The following PKIA variants were observed in gnomAD, a reference collection of about 807,000 sequenced individuals.
PKIA encodes the protein cAMP-dependent protein kinase inhibitor alpha, also known as PKI-alpha.
PKIA carries 4 observed loss-of-function variants against 7.6 expected under a neutral mutation model. That is an observed-to-expected ratio of 0.52 (90% CI 0.26 to 1.20). PKIA has a LOEUF of 1.20. Among genes scored for constraint, PKIA ranks in the 50% most tolerant of loss-of-function variants. The probability of loss-of-function intolerance (pLI) is 0.13; values close to 1 mark genes in which losing one functional copy is unlikely to be tolerated. For synonymous variants in PKIA, 21 were observed against 30.7 expected, an observed-to-expected ratio of 0.68 and a Z score of 1.04; for missense variants, 73 against 86.2, an observed-to-expected ratio of 0.85 and a Z score of 0.61.
At chr8:78,521,841 C>G (rs1470246068) in intron 1 of PKIA, among the ~76,000 whole-genome samples, 1 of 151,878 alleles carries the variant, frequency 6.6e-6, no homozygotes, top group African/African-American at 2.4e-5. Context: ...AACAGAAACT[C>G]TATACACATT....
At chr8:78,600,017 A>C (rs1194693038) in intron 3 of PKIA, among the ~76,000 whole-genome samples, 2 of 150,522 alleles carry the variant, frequency 1.3e-5, no homozygotes, top group Non-Finnish European at 3.0e-5. Flanking sequence ...ATTATTTTAC[A>C]ATTAAATAAT....
In PKIA at chr8:78,602,032, A is replaced by C. The variant is rs746261703; in HGVS notation, c.*211A>C. The C allele has an allele frequency of 2.3e-5, 13 of 559,884 alleles. No individual in the cohort carries two copies. The highest frequency in any genetic ancestry group is 3.8e-5 in the African/African-American group (2 of 52,358). 34.7% of individuals were successfully genotyped at this position (559,884 alleles called of 1,614,324 possible). A position where few individuals can be genotyped will look rare whatever the true frequency, so the allele number is the denominator to read the frequency against. On this transcript the variant is annotated 3_prime_UTR_variant, in exon 4 of 4. Transcript: ENST00000396418. ...TCTGTCATTAGCAATGGTTGAAATC[A>C]TGTGGCTTGTGTTTGGGCGTCATTT... is the stretch of plus-strand genomic sequence containing the variant.
intron 1 of PKIA, among the ~76,000 whole-genome samples, chr8:78,567,425 G>A (rs1243762132): frequency 6.6e-6 from 1 of 151,820 alleles, no homozygotes; most frequent in Non-Finnish European, 1.5e-5. Flanking sequence ...GATAATACTG[G>A]ACAGGTATTT....
chr8:78,588,385 C>T (rs550011661), intron 2 of PKIA, among the ~76,000 whole-genome samples: 1 of 152,276 alleles, frequency 6.6e-6, no homozygotes, highest in East Asian at 1.9e-4. Context: ...GAGGCTGAGG[C>T]AGGAGCATCA....
intron 1 of PKIA, among the ~76,000 whole-genome samples, chr8:78,519,089 G>C (rs1585861007): frequency 6.6e-6 from 1 of 151,834 alleles, no homozygotes; most frequent in East Asian, 1.9e-4. Flanking sequence ...TGCATGATTA[G>C]ATGCTAAATG....
At chr8:78,547,730 C>T (rs1471707810) in intron 1 of PKIA, among the ~76,000 whole-genome samples, 1 of 152,104 alleles carries the variant, frequency 6.6e-6, no homozygotes, top group East Asian at 1.9e-4. Context: ...TTATATAACC[C>T]TTTTCTAGTC....
At chr8:78,550,340 G>A (rs1806952198) in intron 1 of PKIA, among the ~76,000 whole-genome samples, 1 of 152,036 alleles carries the variant, frequency 6.6e-6, no homozygotes, top group Admixed American at 6.6e-5. Context: ...TCAAAAAGAT[G>A]GTTCCCAGGT....
chr8:78,596,653 C>G, intron 2 of PKIA, among the ~76,000 whole-genome samples: 1 of 152,166 alleles, frequency 6.6e-6, no homozygotes, highest in East Asian at 1.9e-4. Flanking sequence ...TTTTGCTGTG[C>G]AGAAGCTCTT....
chr8:78,574,912 T>G (rs16905795), intron 2 of PKIA, among the ~76,000 whole-genome samples: 2,002 of 151,888 alleles, frequency 0.013, 41 homozygotes, highest in African/African-American at 0.047. Flanking sequence ...AGACAGAAAA[T>G]TGCCCCAAAG....
chr8:78,547,639 G>A (rs961243553), intron 1 of PKIA, among the ~76,000 whole-genome samples: 2 of 152,158 alleles, frequency 1.3e-5, no homozygotes, highest in Non-Finnish European at 2.9e-5. Flanking sequence ...CATAAGATGA[G>A]TAGTTAATGA....
At chr8:78,521,524 G>A (rs1350884167) in intron 1 of PKIA, among the ~76,000 whole-genome samples, 3 of 151,830 alleles carry the variant, frequency 2.0e-5, no homozygotes, top group Non-Finnish European at 2.9e-5. Flanking sequence ...AAAAAAAACA[G>A]AGATGGAAAG....
intron 1 of PKIA, among the ~76,000 whole-genome samples, chr8:78,570,977 T>C (rs1356386692): frequency 6.6e-6 from 1 of 152,148 alleles, no homozygotes; most frequent in Admixed American, 6.6e-5. Flanking sequence ...TTACACTATG[T>C]AATAATTTGT....
chr8:78,599,653 A>G (rs151095893), intron 3 of PKIA, among the ~76,000 whole-genome samples: 1,774 of 152,168 alleles, frequency 0.012, 37 homozygotes, highest in Non-Finnish European at 0.015. Flanking sequence ...TATTGCTACC[A>G]GTAGTTACTT....
At position 78,598,414 on chromosome 8, in the gene PKIA, T is replaced by A; in HGVS notation, c.30T>A (p.Asp10Glu). 6.2e-7 allele frequency: 1 copy of A among 1,612,038 alleles called. No individual in the cohort carries two copies. ...CTGATGTGGAAACTACATATGCAGA[T>A]TTTATTGCTTCAGGAAGAACAGGTA... MTDVETTYA[D>E]FIASGRTGRR... Residue 10 changes from aspartate (D) to glutamate (E), a missense_variant, in exon 3 of 4, where the codon GAT becomes GAA. By Grantham distance (45) the Asp-to-Glu change is conservative. Coordinates refer to ENST00000396418, the MANE Select transcript of PKIA (RefSeq NM_006823.4).
At chr8:78,536,432 A>G (rs1394332270) in intron 1 of PKIA, among the ~76,000 whole-genome samples, 2 of 152,254 alleles carry the variant, frequency 1.3e-5, no homozygotes, top group South Asian at 2.1e-4. Context: ...CTCTGGAAGT[A>G]GTGAGCACAA....
chr8:78,597,112 C>T lies in PKIA; in HGVS notation c.-27-1246C>T, dbSNP rs139765856. Reference sequence around the variant, plus strand: ...TGTAGTATAGCTTAAGTTTGGGTAGCGTGATGCTTCTGGCTTTTTTCTTTT... The same window carrying T: ...TGTAGTATAGCTTAAGTTTGGGTAGTGTGATGCTTCTGGCTTTTTTCTTTT... On this transcript the variant is annotated intron_variant, in intron 2 of 3. Coordinates refer to ENST00000396418, the MANE Select transcript of PKIA (RefSeq NM_006823.4). 1.6e-3 allele frequency among the ~76,000 whole-genome samples: 244 copies of T among 152,110 alleles called. 1 individual carries two copies. The highest frequency in any genetic ancestry group is 5.4e-3 in the African/African-American group (225 of 41,486).
chr8:78,587,268 G>T (rs1585922931), intron 2 of PKIA, among the ~76,000 whole-genome samples: 1 of 152,256 alleles, frequency 6.6e-6, no homozygotes, highest in East Asian at 1.9e-4. Context: ...TAAAGGAAAA[G>T]ATAAAACAAA....
At chr8:78,586,106 G>A (rs1041440749) in intron 2 of PKIA, among the ~76,000 whole-genome samples, 3 of 152,030 alleles carry the variant, frequency 2.0e-5, no homozygotes, top group African/African-American at 4.8e-5. Context: ...CTTATTCTCA[G>A]GGCCTACCAT....
intron 1 of PKIA, among the ~76,000 whole-genome samples, chr8:78,571,766 G>A (rs1357042191): frequency 1.3e-5 from 2 of 152,030 alleles, no homozygotes; most frequent in Non-Finnish European, 2.9e-5. Context: ...TGCTTCTGAG[G>A]GAAATCAGTC....
Sources: gnomAD v4.1 joint callset for allele counts (sites outside exome capture counted in the v4.1 genomes callset) on GRCh38, gnomAD v4.1.1 for gene constraint, MANE v1.5 for transcripts, NCBI Gene and HGNC (gene_info 2026-07-23, HGNC 2026-07-21) for gene names.